ST6GALNAC3: variants seen among roughly 807,000 people sequenced by gnomAD.
The protein encoded by ST6GALNAC3 is ST6 N-acetylgalactosaminide alpha-2,6-sialyltransferase 3.
Under a neutral mutation model 32.7 loss-of-function variants are expected in ST6GALNAC3, and 25 were observed. The ratio of observed to expected loss-of-function variants is 0.76; its 90% confidence interval spans 0.56 to 1.07. The LOEUF (loss-of-function observed/expected upper bound fraction) is 1.07. ST6GALNAC3 is among the 50% of genes least tolerant of loss of function. The pLI, the probability that ST6GALNAC3 is intolerant of heterozygous loss-of-function variation, is 0.00. For synonymous variants in ST6GALNAC3, 129 were observed against 133.1 expected, an observed-to-expected ratio of 0.97 and a Z score of 0.21; for missense variants, 355 against 382.4, an observed-to-expected ratio of 0.93 and a Z score of 0.60.
rs1649297073 is a variant in ST6GALNAC3 at position 76,631,497 on chromosome 1, A to G, written c.*2691A>G. 2 of 152,012 alleles carry G rather than the reference A, an allele frequency of 1.3e-5. No individual in the cohort carries two copies. 9.4% of individuals were successfully genotyped at this position (152,012 alleles called of 1,614,324 possible). Reference sequence around the variant, plus strand: ...CATGTTGAGAATAAATTTTTCATCTATGATTTGCTGATAGAGAAGAGCTTG... The same window carrying G: ...CATGTTGAGAATAAATTTTTCATCTGTGATTTGCTGATAGAGAAGAGCTTG... On this transcript the variant is annotated 3_prime_UTR_variant, in exon 5 of 5. Transcript: ENST00000328299.
At chr1:76,137,923 A>G (rs1049442840) in intron 1 of ST6GALNAC3, among the ~76,000 whole-genome samples, 1 of 152,254 alleles carries the variant, frequency 6.6e-6, no homozygotes. Flanking sequence ...CCACTGGCAT[A>G]GCTCAAGTGA....
At chr1:76,617,195 C>G (rs1648349681) in intron 3 of ST6GALNAC3, among the ~76,000 whole-genome samples, 1 of 152,166 alleles carries the variant, frequency 6.6e-6, no homozygotes, top group Non-Finnish European at 1.5e-5. Flanking sequence ...AAGTTTGGGT[C>G]TGATTCTCTC....
intron 3 of ST6GALNAC3, among the ~76,000 whole-genome samples, chr1:76,572,029 A>G (rs548080665): frequency 7.2e-5 from 11 of 152,230 alleles, no homozygotes; most frequent in South Asian, 6.2e-4. Context: ...TTTTTCTTAA[A>G]CAAGTTAAAT....
intron 3 of ST6GALNAC3, among the ~76,000 whole-genome samples, chr1:76,415,367 G>A (rs1302716635): frequency 2.6e-5 from 4 of 151,502 alleles, no homozygotes; most frequent in Non-Finnish European, 5.9e-5. Flanking sequence ...TTTATTAAGA[G>A]TAATTTACCC....
intron 1 of ST6GALNAC3, among the ~76,000 whole-genome samples, chr1:76,100,094 G>A (rs1647193403): frequency 1.3e-5 from 2 of 152,028 alleles, no homozygotes; most frequent in Admixed American, 6.5e-5. Flanking sequence ...TTTATTTACT[G>A]AAAATTATAT....
intron 1 of ST6GALNAC3, among the ~76,000 whole-genome samples, chr1:76,210,771 G>A (rs1231631726): frequency 1.3e-5 from 2 of 151,996 alleles, no homozygotes; most frequent in Non-Finnish European, 2.9e-5. Flanking sequence ...TTTTGAGATA[G>A]GGTCTCGCTC....
At chr1:76,538,372 A>C (rs924082852) in intron 3 of ST6GALNAC3, among the ~76,000 whole-genome samples, 3 of 152,172 alleles carry the variant, frequency 2.0e-5, no homozygotes, top group African/African-American at 7.2e-5. Flanking sequence ...ACATATCTCA[A>C]AATAATAAGA....
chr1:76,536,953 T>C (rs1217576026), intron 3 of ST6GALNAC3, among the ~76,000 whole-genome samples: 1 of 152,134 alleles, frequency 6.6e-6, no homozygotes, highest in Non-Finnish European at 1.5e-5. Flanking sequence ...AACAAGGATA[T>C]TCAGGACTCG....
intron 3 of ST6GALNAC3, among the ~76,000 whole-genome samples, chr1:76,495,137 A>G (rs569757083): frequency 6.6e-6 from 1 of 152,152 alleles, no homozygotes; most frequent in East Asian, 1.9e-4. Flanking sequence ...AAACACCCTC[A>G]CAGACATGCC....
intron 3 of ST6GALNAC3, among the ~76,000 whole-genome samples, chr1:76,483,186 C>T (rs1380573934): frequency 6.6e-6 from 1 of 152,114 alleles, no homozygotes; most frequent in African/African-American, 2.4e-5. Context: ...AATAAACATA[C>T]GTGTGCATGT....
intron 1 of ST6GALNAC3, among the ~76,000 whole-genome samples, chr1:76,255,105 T>G (rs1657845556): frequency 6.6e-6 from 1 of 151,888 alleles, no homozygotes; most frequent in African/African-American, 2.4e-5. Context: ...GACACCATTC[T>G]GGTTTGGTCT....
chr1:76,444,204 C>T (rs958678190), intron 3 of ST6GALNAC3, among the ~76,000 whole-genome samples: 2 of 152,188 alleles, frequency 1.3e-5, no homozygotes, highest in Non-Finnish European at 2.9e-5. Context: ...ATTTATCTTT[C>T]TAAAAGTGCA....
At chr1:76,293,366 A>G (rs1440435039) in intron 1 of ST6GALNAC3, among the ~76,000 whole-genome samples, 2 of 152,210 alleles carry the variant, frequency 1.3e-5, no homozygotes, top group African/African-American at 2.4e-5. Context: ...ATCTCTCCCT[A>G]TGCTGGCATT....
intron 1 of ST6GALNAC3, among the ~76,000 whole-genome samples, chr1:76,301,521 C>T (rs1402056403): frequency 6.6e-6 from 1 of 151,992 alleles, no homozygotes; most frequent in Non-Finnish European, 1.5e-5. Context: ...TTTAGTGATT[C>T]AAATGACTGT....
chr1:76,520,036 T>A (rs1452732659), intron 3 of ST6GALNAC3, among the ~76,000 whole-genome samples: 2 of 152,012 alleles, frequency 1.3e-5, no homozygotes, highest in Non-Finnish European at 2.9e-5. Context: ...AAATACATAT[T>A]TCCATTTTAT....
At chr1:76,122,780 C>A (rs1285562724) in intron 1 of ST6GALNAC3, among the ~76,000 whole-genome samples, 2 of 152,158 alleles carry the variant, frequency 1.3e-5, no homozygotes, top group African/African-American at 4.8e-5. Flanking sequence ...GGTACGTGAG[C>A]TCCAGGAACA....
At chr1:76,092,274 G>A (rs948197198) in intron 1 of ST6GALNAC3, among the ~76,000 whole-genome samples, 6 of 152,194 alleles carry the variant, frequency 3.9e-5, no homozygotes, top group African/African-American at 1.4e-4. Flanking sequence ...TTAGAAAGTA[G>A]TACAGGCATC....
chr1:76,548,263 A>G (rs558566448), intron 3 of ST6GALNAC3, among the ~76,000 whole-genome samples: 1 of 152,168 alleles, frequency 6.6e-6, no homozygotes, highest in South Asian at 2.1e-4. Context: ...AGGCCACCCT[A>G]TGTGTGTTTA....
chr1:76,137,182 G>T (rs1242959304), intron 1 of ST6GALNAC3, among the ~76,000 whole-genome samples: 1 of 152,152 alleles, frequency 6.6e-6, no homozygotes, highest in South Asian at 2.1e-4. Context: ...CAACCACTAG[G>T]CTAAATGACT....
Sources: allele counts gnomAD v4.1 joint callset (sites outside exome capture counted in the v4.1 genomes callset), GRCh38; gene constraint gnomAD v4.1.1; transcripts MANE v1.5; gene names NCBI Gene and HGNC (gene_info 2026-07-23, HGNC 2026-07-21).